Variants in PKD1L3 observed in about 807,000 individuals in gnomAD.
The protein encoded by PKD1L3 is polycystin-1-like protein 3.
PKD1L3 carries 239 observed loss-of-function variants against 184.1 expected under a neutral mutation model. The ratio of observed to expected loss-of-function variants is 1.30; its 90% CI spans 1.17 to 1.45. PKD1L3 has a LOEUF of 1.45. PKD1L3 is among the 40% of genes most tolerant of loss of function. The pLI, the probability that PKD1L3 is intolerant of heterozygous loss-of-function variation, is 0.00. For synonymous variants in PKD1L3, 996 were observed against 778.8 expected (o/e 1.28, Z -4.64); for missense variants, 2,660 against 2,067.2 (o/e 1.29, Z -5.56).
Position 71,930,047 on chromosome 16 carries a change from C to T in PKD1L3, c.5058+5G>A, listed in dbSNP as rs957272835. The T allele has an allele frequency of 1.6e-5, 24 of 1,545,614 alleles. No individual in the cohort carries two copies. The Middle Eastern group carries it at 5.0e-4, about 32-fold the overall frequency. ...AGCATGCTAGTTTATCTTTTAGTTA[C>T]CTACCTTAAGCGACTTTCTTTCTTT... On this transcript the variant is annotated splice_donor_5th_base_variant and intron_variant, in intron 29 of 29. Transcript: ENST00000620267.
chr16:71,934,217 T>G (rs1597275726), intron 26 of PKD1L3, 92 bp from the exon 27 acceptor site: 1 of 1,152,346 alleles, frequency 8.7e-7, no homozygotes, highest in East Asian at 2.6e-5. Flanking sequence ...GTGGCAGCCC[T>G]GAGTCCTGTG....
Position 71,973,474 on chromosome 16 carries a change from G to C in PKD1L3, c.1803C>G (p.His601Gln), listed in dbSNP as rs537040106. ...TWVLNPEHLQ[H>Q]GIGTYYITAV... Reference sequence around the variant, plus strand: ...CTGTTATATAGTAGGTGCCAATCCCGTGCTGCAGATGCTCTGGATTCAGCA... The same window carrying C: ...CTGTTATATAGTAGGTGCCAATCCCCTGCTGCAGATGCTCTGGATTCAGCA... Residue 601 changes from histidine (H) to glutamine (Q), a missense_variant, in exon 12 of 30, where the codon CAC (histidine) becomes CAG (glutamine). By Grantham distance (24) the His-to-Gln change is conservative. Transcript: ENST00000620267. 3.9e-5 allele frequency: 61 copies of C among 1,551,690 alleles called. No homozygotes were observed. The highest frequency in any genetic ancestry group is 4.9e-5 in the Non-Finnish European group (56 of 1,147,052).
chr16:71,995,702 C>A (rs531619821), intron 2 of PKD1L3, among the ~76,000 whole-genome samples: 1 of 152,200 alleles, frequency 6.6e-6, no homozygotes, highest in Admixed American at 6.5e-5. Context: ...AATAGCCTTA[C>A]GTGTGCATCT....
chr16:71,954,126 T>C lies in PKD1L3; in HGVS notation c.2788A>G (p.Thr930Ala). 1 of 1,546,060 alleles carries C rather than the reference T, an allele frequency of 6.5e-7. No individual in the cohort carries two copies. The highest frequency in any genetic ancestry group is 1.2e-5 in the South Asian group (1 of 83,044). The change falls in exon 17 of 30, where the codon ACT becomes GCT. Residue 930 changes from threonine to alanine, a missense_variant. Transcript: ENST00000620267. The part of the protein sequence containing the change: ...NVMFWKINST[T>A]AKRDEQMRPF... ...ATACTTTGCTCATCTCTCTTGGCAG[T>C]GGTGCTGTTTATCTTCCAGAACATA...
At chr16:71,957,604 C>T (rs2039096178) in intron 16 of PKD1L3, among the ~76,000 whole-genome samples, 1 of 151,976 alleles carries the variant, frequency 6.6e-6, no homozygotes, top group African/African-American at 2.4e-5. Context: ...TCGAGACCAG[C>T]CTGGCCAACA....
chr16:71,980,087 C>A lies in PKD1L3; in HGVS notation c.1191G>T (p.Gly397=). The A allele has an allele frequency of 6.4e-7, 1 of 1,551,708 alleles. No homozygotes were observed. The highest frequency in any genetic ancestry group is 8.7e-7 in the Non-Finnish European group (1 of 1,146,956). The change falls in exon 8 of 30, where the codon GGG becomes GGT. Residue 397 remains glycine (G), a synonymous_variant. Transcript: ENST00000620267. ...EMSLVEFGNI[G]EAFLEQNQSP... is the part of the protein sequence containing the mutation. ...ACTGGTTCTGCTCTAGAAATGCTTC[C>A]CCGATATTCCCAAACTCCACCAAGG...
chr16:71,990,230 G>A (rs1392025142), intron 4 of PKD1L3, 50 bp downstream of exon 4: 4 of 1,434,894 alleles, frequency 2.8e-6, no homozygotes, highest in South Asian at 2.5e-5. Flanking sequence ...TACTAGGTAT[G>A]ACAAAGAGAT....
intron 13 of PKD1L3, among the ~76,000 whole-genome samples, chr16:71,968,855 C>T (rs2039600671): frequency 1.3e-5 from 2 of 152,002 alleles, no homozygotes; most frequent in Admixed American, 6.6e-5. Context: ...CTCGGCCTCC[C>T]AGTGTGCTGG....
intron 4 of PKD1L3, among the ~76,000 whole-genome samples, chr16:71,989,482 A>C (rs1277970132): frequency 6.6e-6 from 1 of 152,162 alleles, no homozygotes; most frequent in Non-Finnish European, 1.5e-5. Flanking sequence ...AGAAACACTT[A>C]TTTTTGCAGC....
chr16:71,964,049 T>C (rs2039395346), intron 15 of PKD1L3, among the ~76,000 whole-genome samples: 1 of 152,140 alleles, frequency 6.6e-6, no homozygotes, highest in South Asian at 2.1e-4. Context: ...CTTAGTCTCA[T>C]CTCCGCTTCA....
chr16:71,940,524 G>A (rs186226364), intron 24 of PKD1L3, among the ~76,000 whole-genome samples: 33 of 151,774 alleles, frequency 2.2e-4, no homozygotes, highest in African/African-American at 6.3e-4. Flanking sequence ...TTTTGAGATG[G>A]AGTCTCACTC....
intron 16 of PKD1L3, among the ~76,000 whole-genome samples, chr16:71,962,828 A>G (rs2039334437): frequency 6.6e-6 from 1 of 152,084 alleles, no homozygotes; most frequent in Non-Finnish European, 1.5e-5. Flanking sequence ...GCCCTCTAAT[A>G]CTTTCCTTTA....
At chr16:71,973,255 T>C (rs1331662834) in intron 12 of PKD1L3, 69 bp downstream of exon 12, 13 of 1,468,846 alleles carry the variant, frequency 8.9e-6, no homozygotes, top group East Asian at 2.5e-5. Context: ...CCAAATGAGA[T>C]AACGGATGCA....
intron 15 of PKD1L3, among the ~76,000 whole-genome samples, chr16:71,965,118 G>T (rs2039452831): frequency 6.6e-6 from 1 of 152,132 alleles, no homozygotes; most frequent in African/African-American, 2.4e-5. Context: ...AAAGTGCTGA[G>T]ATTAGAGGTG....
At chr16:71,965,587 C>G (rs1365251180) in intron 15 of PKD1L3, among the ~76,000 whole-genome samples, 1 of 148,666 alleles carries the variant, frequency 6.7e-6, no homozygotes, top group African/African-American at 2.5e-5. Flanking sequence ...GATGGTCTCA[C>G]TCTGTTGCCA....
In PKD1L3 at chr16:71,952,976, G is replaced by T. The variant is rs1361375150; in HGVS notation, c.2927C>A (p.Thr976Asn). Residue 976 changes from threonine (T) to asparagine (N), a missense_variant, in exon 18 of 30, where the codon ACT becomes AAT. By Grantham distance (65) the Thr-to-Asn change is moderately conservative. Transcript: ENST00000620267. ...RLFPLIEPQE[T>N]LPLFPPIQAS... ...CTGGATGGGAGGAAAGAGGGGCAGA[G>T]TCTCCTGTGGCTCAATCAACGGGAA... 6.5e-7 allele frequency: 1 copy of T among 1,550,082 alleles called. No homozygotes were observed. The highest frequency in any genetic ancestry group is 1.2e-5 in the South Asian group (1 of 83,678).
At chr16:71,968,463 G>C (rs1351222831) in intron 13 of PKD1L3, among the ~76,000 whole-genome samples, 2 of 152,306 alleles carry the variant, frequency 1.3e-5, no homozygotes, top group South Asian at 4.1e-4. Flanking sequence ...AGGGCAACAA[G>C]AAGTGAACAC....
At chr16:71,952,010 T>G (rs1220051469) in intron 18 of PKD1L3, among the ~76,000 whole-genome samples, 1 of 152,076 alleles carries the variant, frequency 6.6e-6, no homozygotes, top group Admixed American at 6.6e-5. Flanking sequence ...GCCAGAGTGG[T>G]ACCATGCACT....
intron 15 of PKD1L3, 69 bp downstream of exon 15, chr16:71,967,068 G>T: frequency 6.9e-7 from 1 of 1,440,516 alleles, no homozygotes; most frequent in South Asian, 1.4e-5. Context: ...GATTTATTGT[G>T]GTGATCTTCT....
Sources: allele counts gnomAD v4.1 joint callset (sites outside exome capture counted in the v4.1 genomes callset), GRCh38; gene constraint gnomAD v4.1.1; transcripts MANE v1.5; gene names NCBI Gene and HGNC (gene_info 2026-07-23, HGNC 2026-07-21).